Variants in HCN1 observed in about 807,000 individuals in gnomAD.
The protein encoded by HCN1 is hyperpolarization activated cyclic nucleotide gated potassium channel 1, also known as potassium/sodium hyperpolarization-activated cyclic nucleotide-gated channel 1.
A neutral mutation model predicts 78.9 loss-of-function variants in HCN1; 13 were observed. The ratio of observed to expected loss-of-function variants is 0.16; its 90% CI spans 0.11 to 0.26. The LOEUF (loss-of-function observed/expected upper bound fraction) is 0.26. HCN1 is among the 10% of genes least tolerant of loss of function. The probability of loss-of-function intolerance (pLI) is 1.00; values close to 1 mark genes in which losing one functional copy is unlikely to be tolerated. For missense variants in HCN1, 810 were observed against 1,154.3 expected (o/e 0.70, Z 4.32); for synonymous variants, 552 against 455.5 (o/e 1.21, Z -2.70).
chr5:45,598,666 T>A (rs1213670547), intron 2 of HCN1, among the ~76,000 whole-genome samples: 1 of 152,126 alleles, frequency 6.6e-6, no homozygotes, highest in Non-Finnish European at 1.5e-5. Context: ...GCAATCTGCC[T>A]GTCTGACAAA....
At chr5:45,534,977 A>G (rs1346490930) in intron 2 of HCN1, among the ~76,000 whole-genome samples, 1 of 152,234 alleles carries the variant, frequency 6.6e-6, no homozygotes, top group African/African-American at 2.4e-5. Context: ...AAAGCTATTG[A>G]AACAGTAAGA....
chr5:45,327,508 T>TA (rs1746259571), intron 5 of HCN1, among the ~76,000 whole-genome samples: 1 of 151,662 alleles, frequency 6.6e-6, no homozygotes, highest in African/African-American at 2.4e-5. Context: ...AGTCAGGTCC[T>TA]AAAATCAGGC....
Position 45,476,509 on chromosome 5 carries a change from T to G in HCN1, c.850-14502A>C, listed in dbSNP as rs537713466. Among the ~76,000 whole-genome samples, 224 of 152,276 alleles carry G rather than the reference T, an allele frequency of 1.5e-3. 1 individual carries two copies. The highest frequency in any genetic ancestry group is 3.1e-3 in the Admixed American group (48 of 15,268). ...TGGATTTCTTGACCTTTTTTTCACC[T>G]TACTATAATTTTATCCAGCTTCTTT... On this transcript the variant is annotated intron_variant, in intron 2 of 7. Coordinates refer to ENST00000303230, the MANE Select transcript of HCN1 (RefSeq NM_021072.4).
chr5:45,555,424 G>A lies in HCN1; in HGVS notation c.849+89761C>T, dbSNP rs868657640. ...CCAAAAAATAAAAATATATTCTATG[G>A]TCATGGATTGAAAGCATCAATATTA... On this transcript the variant is annotated intron_variant, in intron 2 of 7. Coordinates refer to ENST00000303230, the MANE Select transcript of HCN1 (RefSeq NM_021072.4). 7.3e-5 allele frequency among the ~76,000 whole-genome samples: 11 copies of A among 151,584 alleles called. No individual in the cohort carries two copies. In the Middle Eastern group the frequency reaches 0.014, roughly 187 times the overall value.
rs557116675 is a variant in HCN1 at position 45,265,853 on chromosome 5, T to C, written c.1783+1236A>G. Among the ~76,000 whole-genome samples, 3 of 152,298 alleles carry C rather than the reference T, an allele frequency of 2.0e-5. No individual in the cohort carries two copies. The South Asian group carries it at 6.2e-4, about 32-fold the overall frequency. On this transcript the variant is annotated intron_variant, in intron 7 of 7. Transcript: ENST00000303230. Reference sequence around the variant, plus strand: ...TCTACATTGACAAATTTAGCATCTCTAGAGCCAGTAATAAAAGCAGTGCTG... The same window carrying C: ...TCTACATTGACAAATTTAGCATCTCCAGAGCCAGTAATAAAAGCAGTGCTG...
chr5:45,312,938 G>A (rs1319204248), intron 5 of HCN1, among the ~76,000 whole-genome samples: 2 of 152,132 alleles, frequency 1.3e-5, no homozygotes, highest in Non-Finnish European at 2.9e-5. Flanking sequence ...CCACCTCTGG[G>A]GGCAGGGCAT....
chr5:45,658,859 C>A (rs1426412611), intron 1 of HCN1, among the ~76,000 whole-genome samples: 1 of 150,324 alleles, frequency 6.7e-6, no homozygotes, highest in African/African-American at 2.4e-5. Flanking sequence ...AACTGCAAGG[C>A]GGCAACGAGG....
intron 1 of HCN1, 131 bp downstream of exon 1, chr5:45,695,538 A>T: frequency 1.1e-6 from 1 of 875,546 alleles, no homozygotes; most frequent in Non-Finnish European, 1.8e-6. Context: ...GCTTAGCCCG[A>T]GCCGACGCCG....
chr5:45,363,361 G>C (rs1372406903), intron 4 of HCN1, among the ~76,000 whole-genome samples: 2 of 151,340 alleles, frequency 1.3e-5, no homozygotes, highest in African/African-American at 2.4e-5. Context: ...GGTCTTCTGG[G>C]GGGTGAGGAG....
At chr5:45,268,462 A>G (rs1045060284) in intron 6 of HCN1, among the ~76,000 whole-genome samples, 3 of 152,346 alleles carry the variant, frequency 2.0e-5, no homozygotes, top group South Asian at 4.1e-4. Flanking sequence ...GGAAATAAAT[A>G]TAATATTAAA....
Position 45,421,309 on chromosome 5 carries a change from G to A in HCN1, c.1012-24599C>T, listed in dbSNP as rs375840855. 8.5e-5 allele frequency among the ~76,000 whole-genome samples: 13 copies of A among 152,090 alleles called. 1 individual carries two copies. The highest frequency in any genetic ancestry group is 1.7e-4 in the African/African-American group (7 of 41,516). On this transcript the variant is annotated intron_variant, in intron 3 of 7. Coordinates refer to ENST00000303230, the MANE Select transcript of HCN1 (RefSeq NM_021072.4). ...GATCTCCTGATCTCGTGATCCACCC[G>A]CCTGGGCCTCCCAAAGTGCTGGGAT...
intron 2 of HCN1, chr5:45,576,201 TC>T (rs1317948442): frequency 6.6e-6 from 1 of 152,118 alleles, no homozygotes; most frequent in Admixed American, 6.6e-5. Flanking sequence ...TGCTGCAATC[TC>T]ATGACAAAAG....
chr5:45,295,833 G>C lies in HCN1; in HGVS notation c.1618+7766C>G, dbSNP rs138581670. ...CTTATACAAATACAAAACTAGTATA[G>C]TATAAAATTTGGTGTTATTGATGTC... On this transcript the variant is annotated intron_variant, in intron 6 of 7. Coordinates refer to ENST00000303230, the MANE Select transcript of HCN1 (RefSeq NM_021072.4). 6.7e-4 allele frequency among the ~76,000 whole-genome samples: 102 copies of C among 152,044 alleles called. 1 individual carries two copies. In the East Asian group the frequency reaches 0.012, roughly 18 times the overall value.
At chr5:45,654,056 CT>C (rs1477372380) in intron 1 of HCN1, among the ~76,000 whole-genome samples, 1 of 152,014 alleles carries the variant, frequency 6.6e-6, no homozygotes, top group Non-Finnish European at 1.5e-5. Flanking sequence ...AATCTTCTTG[CT>C]TTAGACAACA....
intron 6 of HCN1, among the ~76,000 whole-genome samples, chr5:45,270,442 A>G (rs1035607197): frequency 3.9e-5 from 6 of 152,168 alleles, no homozygotes; most frequent in Non-Finnish European, 5.9e-5. Context: ...TGCCAGCCAT[A>G]CAAGATTTTA....
intron 5 of HCN1, among the ~76,000 whole-genome samples, chr5:45,316,468 GC>G (rs1387027655): frequency 6.6e-6 from 1 of 152,086 alleles, no homozygotes; most frequent in Non-Finnish European, 1.5e-5. Context: ...TACTGAATGG[GC>G]AAAAACTGGA....
chr5:45,308,507 T>C (rs1028767331), intron 5 of HCN1, among the ~76,000 whole-genome samples: 1 of 152,072 alleles, frequency 6.6e-6, no homozygotes, highest in Admixed American at 6.6e-5. Context: ...TCCTAGTAAA[T>C]GCTTGAAAAC....
chr5:45,576,692 C>G (rs192362910), intron 2 of HCN1: 1 of 152,122 alleles, frequency 6.6e-6, no homozygotes, highest in African/African-American at 2.4e-5. Flanking sequence ...TGCTATTGCA[C>G]ACTTAACAGA....
chr5:45,536,070 T>A lies in HCN1; in HGVS notation c.850-74063A>T, dbSNP rs148436367. ...TTATTATATTGTTTCTTGTGAAAAC[T>A]CCACTTTCATTTGTATTCTCCTCTC... On this transcript the variant is annotated intron_variant, in intron 2 of 7. Transcript: ENST00000303230. 3.5e-3 allele frequency among the ~76,000 whole-genome samples: 536 copies of A among 152,296 alleles called. 8 individuals carry two copies. Among genetic ancestry groups the A allele is most frequent in the African/African-American group, 0.012 (506 of 41,580 alleles).
Sources: gnomAD v4.1 joint callset for allele counts (sites outside exome capture counted in the v4.1 genomes callset) on GRCh38, gnomAD v4.1.1 for gene constraint, MANE v1.5 for transcripts, NCBI Gene and HGNC (gene_info 2026-07-23, HGNC 2026-07-21) for gene names.